The following CALCOCO1 variants were observed in gnomAD, a reference collection of about 807,000 sequenced individuals.
CALCOCO1 encodes calcium binding and coiled-coil domain 1, also known as calcium-binding and coiled-coil domain-containing protein 1.
In CALCOCO1, 44 loss-of-function variants were observed where a neutral mutation model predicts 86.3. The ratio of observed to expected loss-of-function variants is 0.51; its 90% confidence interval spans 0.40 to 0.66. The LOEUF is 0.66. Among genes scored for constraint, CALCOCO1 ranks in the 30% least tolerant of loss-of-function variants. The probability of loss-of-function intolerance (pLI) is 0.00; values close to 1 mark genes in which losing one functional copy is unlikely to be tolerated. For synonymous variants in CALCOCO1, 297 were observed against 327.6 expected (o/e 0.91, Z 1.01); for missense variants, 708 against 851.1 (o/e 0.83, Z 2.09).
rs970140549 is a variant in CALCOCO1 at position 53,714,532 on chromosome 12, T to A, written c.1482+66A>T. 9.8e-6 allele frequency: 12 copies of A among 1,223,550 alleles called. No individual in the cohort carries two copies. The African/African-American group carries it at 1.6e-4, about 17-fold the overall frequency. 75.8% of individuals were successfully genotyped at this position (1,223,550 alleles called of 1,614,324 possible). On this transcript the variant is annotated intron_variant, in intron 11 of 14. Coordinates refer to ENST00000550804, the MANE Select transcript of CALCOCO1 (RefSeq NM_020898.3). ...TCTAAGCCAAGAGATGACAGGAATT[T>A]ACAAAGTTTCTAGCCCTCAAGTCCT...
rs956895055 is a variant in CALCOCO1, at chr12:53,708,707, A to G, written c.*3237T>C. The G allele has an allele frequency of 2.6e-5, 4 of 152,236 alleles. No homozygotes were observed. Among genetic ancestry groups the G allele is most frequent in the Non-Finnish European group, 5.9e-5 (4 of 68,048 alleles). The allele number at this position is 152,236 out of a possible 1,614,324, so 9.4% of individuals were successfully genotyped here. A position where few individuals can be genotyped will look rare whatever the true frequency, so the allele number is the denominator to read the frequency against. On this transcript the variant is annotated 3_prime_UTR_variant, in exon 15 of 15. Coordinates refer to ENST00000550804, the MANE Select transcript of CALCOCO1 (RefSeq NM_020898.3). ...TTTAGGAACACAGTGATGTATAAGC[A>G]TAGAATCTGCCTTCAAGTTGCTTAC...
chr12:53,727,204 C>T (rs1946062532), intron 1 of CALCOCO1, among the ~76,000 whole-genome samples, 200 bp downstream of exon 1: 1 of 152,108 alleles, frequency 6.6e-6, no homozygotes, highest in South Asian at 2.1e-4. Context: ...AGGGGGCGCC[C>T]CCCACCCCCA....
At chr12:53,716,150 G>A in intron 8 of CALCOCO1, 103 bp from the exon 9 acceptor site, 1 of 1,578,482 alleles carries the variant, frequency 6.3e-7, no homozygotes, top group Non-Finnish European at 8.6e-7. Flanking sequence ...ACTCGGGGTT[G>A]TGTTGTTTAG....
chr12:53,712,540 C>T lies in CALCOCO1; in HGVS notation c.1899-419G>A, dbSNP rs1186937200. The T allele has an allele frequency of 1.3e-5, 3 of 230,400 alleles. No individual in the cohort carries two copies. The East Asian group carries it at 3.7e-4, about 29-fold the overall frequency. The allele number at this position is 230,400 out of a possible 1,614,324, so 14.3% of individuals were successfully genotyped here. On this transcript the variant is annotated intron_variant, in intron 14 of 14. Transcript: ENST00000550804. ...GACTAGATGATCAAATCTCTCTTCC[C>T]TGTGCCTGCCCCCTTGAACCTGGGA...
chr12:53,715,669 A>G, intron 9 of CALCOCO1, 124 bp downstream of exon 9: 2 of 1,333,394 alleles, frequency 1.5e-6, no homozygotes, highest in Non-Finnish European at 1.0e-6. Context: ...GCCCCTCTCC[A>G]CCCAAGTCCT....
At position 53,713,683 on chromosome 12, in the gene CALCOCO1, G is replaced by C. The variant is rs780632107; in HGVS notation, c.1791+18C>G. 6.6e-7 allele frequency: 1 copy of C among 1,508,222 alleles called. No homozygotes were observed. The highest frequency in any genetic ancestry group is 2.3e-5 in the Admixed American group (1 of 43,596). The allele number at this position is 1,508,222 out of a possible 1,614,324, so 93.4% of individuals were successfully genotyped here. ...TGCCCCTCCTTACTGCTTCTGCACA[G>C]GCTCCTCCACTGCTCACCGAGTCAG... On this transcript the variant is annotated intron_variant, in intron 13 of 14. Coordinates refer to ENST00000550804, the MANE Select transcript of CALCOCO1 (RefSeq NM_020898.3).
At chr12:53,713,293 C>G (rs560770942) in intron 13 of CALCOCO1, 87 bp from the exon 14 acceptor site, 1 of 1,118,788 alleles carries the variant, frequency 8.9e-7, no homozygotes, top group African/African-American at 1.5e-5. Context: ...GGAAGAGCAG[C>G]CAAGGCTAGG....
At chr12:53,722,249 C>A in intron 4 of CALCOCO1, 66 bp from the exon 5 acceptor site, 2 of 1,581,268 alleles carry the variant, frequency 1.3e-6, no homozygotes, top group South Asian at 2.2e-5. Context: ...CCCATCCTCA[C>A]CACTCTCCAG....
At chr12:53,713,599 G>A (rs1565641296) in intron 13 of CALCOCO1, 102 bp downstream of exon 13, 1 of 1,099,216 alleles carries the variant, frequency 9.1e-7, no homozygotes, top group East Asian at 2.4e-5. Context: ...CCAGGAGGCA[G>A]AGGCTGCAGT....
At chr12:53,721,028 T>C (rs1216841971) in intron 6 of CALCOCO1, among the ~76,000 whole-genome samples, 2 of 152,256 alleles carry the variant, frequency 1.3e-5, no homozygotes, top group Admixed American at 1.3e-4. Context: ...TAAGAGTTTA[T>C]GATTTGCATC....
At chr12:53,713,412 G>T (rs1466833390) in intron 13 of CALCOCO1, among the ~76,000 whole-genome samples, 5 of 152,320 alleles carry the variant, frequency 3.3e-5, no homozygotes, top group African/African-American at 1.2e-4. Context: ...TATTGGGCTG[G>T]TCTGGGTTTT....
rs762784406 is a variant in CALCOCO1 at position 53,708,882 on chromosome 12, G to T, written c.*3062C>A. On this transcript the variant is annotated 3_prime_UTR_variant, in exon 15 of 15. Transcript: ENST00000550804. Reference sequence around the variant, plus strand: ...TAGGAGGAAAGTAGTGTATGTTTTTGTGGAATGGTTCTGTTATACTGGAGT... The same window carrying T: ...TAGGAGGAAAGTAGTGTATGTTTTTTTGGAATGGTTCTGTTATACTGGAGT... 4 of 152,240 alleles carry T rather than the reference G, an allele frequency of 2.6e-5. No individual in the cohort carries two copies. Among genetic ancestry groups the T allele is most frequent in the Non-Finnish European group, 5.9e-5 (4 of 68,048 alleles). The allele number at this position is 152,240 out of a possible 1,614,324, so 9.4% of individuals were successfully genotyped here.
chr12:53,723,567 GA>G, intron 4 of CALCOCO1, 25 bp downstream of exon 4: 1 of 1,613,124 alleles, frequency 6.2e-7, no homozygotes, highest in Non-Finnish European at 8.5e-7. Context: ...CCTTGTCTGG[GA>G]ATAACTCTGT....
intron 3 of CALCOCO1, 42 bp from the exon 4 acceptor site, chr12:53,723,825 G>C: frequency 6.4e-7 from 1 of 1,573,274 alleles, no homozygotes; most frequent in South Asian, 1.1e-5. Context: ...ATAATCCACT[G>C]TCCTTGGCCC....
chr12:53,714,182 C>A lies in CALCOCO1; in HGVS notation c.1542G>T (p.Lys514Asn). Residue 514 changes from lysine (K) to asparagine (N), a missense_variant, in exon 12 of 15, where the codon AAG (lysine) becomes AAT (asparagine). Coordinates refer to ENST00000550804, the MANE Select transcript of CALCOCO1 (RefSeq NM_020898.3). The stretch of plus-strand genomic sequence containing the variant: ...CCTCTGTGGTGGCATCCTCATTCCA[C>A]TTCTCATCTGCCACCTTCTCCAGGC... ...EARLEKVADE[K>N]WNEDATTEDE... 4.3e-6 allele frequency: 7 copies of A among 1,613,830 alleles called. No homozygotes were observed. Among genetic ancestry groups the A allele is most frequent in the Non-Finnish European group, 5.9e-6 (7 of 1,179,996 alleles).
chr12:53,722,197 A>C lies in CALCOCO1; in HGVS notation c.451-14T>G. On this transcript the variant is annotated splice_polypyrimidine_tract_variant and intron_variant, in intron 4 of 14. Transcript: ENST00000550804. ...ATCGAGCTGGTTCTACAGGCAGCAG[A>C]AGGAGAAGGGGAGTGTGCTGGTGGA... The C allele has an allele frequency of 6.2e-7, 1 of 1,611,710 alleles. No individual in the cohort carries two copies. The highest frequency in any genetic ancestry group is 8.5e-7 in the Non-Finnish European group (1 of 1,180,002).
chr12:53,713,892 C>T lies in CALCOCO1; in HGVS notation c.1600G>A (p.Ala534Thr). The change falls in exon 13 of 15, where the codon GCA (alanine) becomes ACA (threonine). Residue 534 changes from alanine to threonine, a missense_variant. Ala to Thr is a moderately conservative substitution (Grantham distance 58). Transcript: ENST00000550804. Reference protein sequence around the residue: ...EEAAVGLSCPAALTDSEDESP... With the variant: ...EEAAVGLSCPTALTDSEDESP... ...TCGTCCTCTGAGTCTGTCAGAGCTG[C>T]CGGGCAGCCTGTAGGAGATGAAGCA... 3.3e-6 allele frequency: 5 copies of T among 1,524,036 alleles called. No individual in the cohort carries two copies. The highest frequency in any genetic ancestry group is 4.4e-6 in the Non-Finnish European group (5 of 1,136,042). The allele number at this position is 1,524,036 out of a possible 1,614,324, so 94.4% of individuals were successfully genotyped here.
rs776013086 is a variant in CALCOCO1, at chr12:53,721,606, G to A, written c.619C>T (p.Arg207Trp). The change falls in exon 6 of 15, where the codon CGG (arginine) becomes TGG (tryptophan). Residue 207 changes from arginine to tryptophan, a missense_variant. Physicochemically the swap from Arg to Trp is moderately radical, Grantham distance 101. Coordinates refer to ENST00000550804, the MANE Select transcript of CALCOCO1 (RefSeq NM_020898.3). Reference protein sequence around the residue: ...ELMEQYKGISRSHGEITEERD... With the variant: ...ELMEQYKGISWSHGEITEERD... The stretch of plus-strand genomic sequence containing the variant: ...TCTTCTGTGATCTCCCCATGGGACC[G>A]GGAAATCCCCTGAAATTAAGTTTCC... 9.9e-6 allele frequency: 16 copies of A among 1,613,768 alleles called. No individual in the cohort carries two copies. The highest frequency in any genetic ancestry group is 1.7e-5 in the Admixed American group (1 of 59,912).
chr12:53,713,996 CAG>C, intron 12 of CALCOCO1, 96 bp from the exon 13 acceptor site: 2 of 1,317,368 alleles, frequency 1.5e-6, no homozygotes, highest in Non-Finnish European at 2.1e-6. Flanking sequence ...TTAGACTAAA[CAG>C]GGGCCAGGGT....
Sources: gnomAD v4.1 joint callset for allele counts (sites outside exome capture counted in the v4.1 genomes callset) on GRCh38, gnomAD v4.1.1 for gene constraint, MANE v1.5 for transcripts, NCBI Gene and HGNC (gene_info 2026-07-23, HGNC 2026-07-21) for gene names.